ADAMTS20: variants seen among roughly 807,000 people sequenced by gnomAD.
ADAMTS20 encodes A disintegrin and metalloproteinase with thrombospondin motifs 20.
ADAMTS20 carries 225 observed loss-of-function variants against 260.1 expected under a neutral mutation model. The observed-to-expected ratio is 0.87, with a 90% CI of 0.78 to 0.97. The LOEUF (loss-of-function observed/expected upper bound fraction) is 0.97. Among genes scored for constraint, ADAMTS20 ranks in the 50% least tolerant of loss-of-function variants. ADAMTS20 has a pLI of 0.00. For synonymous variants in ADAMTS20, 802 were observed against 769.5 expected, an observed-to-expected ratio of 1.04 and a Z score of -0.70; for missense variants, 2,400 against 2,337.7, an observed-to-expected ratio of 1.03 and a Z score of -0.55.
At chr12:43,436,810 C>T (rs1592068241) in intron 18 of ADAMTS20, among the ~76,000 whole-genome samples, 1 of 152,280 alleles carries the variant, frequency 6.6e-6, no homozygotes, top group East Asian at 1.9e-4. Flanking sequence ...CTTCTGTTAT[C>T]CCGCAGCACC....
intron 7 of ADAMTS20, among the ~76,000 whole-genome samples, chr12:43,481,365 G>A (rs1261171425): frequency 6.6e-6 from 1 of 152,052 alleles, no homozygotes; most frequent in Non-Finnish European, 1.5e-5. Flanking sequence ...AGAAAACAAG[G>A]ATAATAAATT....
chr12:43,380,650 A>G (rs1212811391), intron 31 of ADAMTS20, among the ~76,000 whole-genome samples: 1 of 152,188 alleles, frequency 6.6e-6, no homozygotes, highest in East Asian at 1.9e-4. Context: ...CTAATAGAAC[A>G]ATTCCATTTA....
intron 14 of ADAMTS20, among the ~76,000 whole-genome samples, chr12:43,448,840 AC>A (rs778997317): frequency 6.6e-6 from 1 of 152,178 alleles, no homozygotes; most frequent in Non-Finnish European, 1.5e-5. Flanking sequence ...ATGAACAAAC[AC>A]CTTTTAAGAG....
chr12:43,513,759 T>C (rs1198310474), intron 3 of ADAMTS20, among the ~76,000 whole-genome samples: 1 of 151,866 alleles, frequency 6.6e-6, no homozygotes, highest in Non-Finnish European at 1.5e-5. Flanking sequence ...GTGTCCTTTG[T>C]AGGAACATGA....
In ADAMTS20 at chr12:43,528,477, G is replaced by A. The variant is rs142608231; in HGVS notation, c.613+3559C>T. On this transcript the variant is annotated intron_variant, in intron 3 of 38. Transcript: ENST00000389420. The stretch of plus-strand genomic sequence containing the variant: ...CATAAAAGTAGGCACATAGACCAAT[G>A]GAACAGAATAGAGAACCTACAAATA... Among the ~76,000 whole-genome samples the A allele has an allele frequency of 4.6e-3, 695 of 151,158 alleles. 6 individuals are homozygous for A. The highest frequency in any genetic ancestry group is 0.016 in the African/African-American group (657 of 41,192).
In ADAMTS20 at chr12:43,443,901, A is replaced by C; in HGVS notation, c.2198-18T>G. On this transcript the variant is annotated intron_variant, in intron 15 of 38. Transcript: ENST00000389420. ...ATTATAACCTGCAATATAATTTTAC[A>C]TATGTTAAATTTCACAAAAAGCAGA... The C allele has an allele frequency of 1.2e-6, 2 of 1,605,110 alleles. No individual in the cohort carries two copies. The highest frequency in any genetic ancestry group is 1.7e-6 in the Non-Finnish European group (2 of 1,172,440).
rs372006488 is a variant in ADAMTS20, at chr12:43,428,722, T to A, written c.3567A>T (p.Glu1189Asp). The A allele has an allele frequency of 5.0e-6, 8 of 1,612,660 alleles. No individual in the cohort carries two copies. The highest frequency in any genetic ancestry group is 6.8e-6 in the Non-Finnish European group (8 of 1,179,130). Residue 1189 changes from glutamate to aspartate, a missense_variant, in exon 25 of 39, where the codon GAA becomes GAT. Coordinates refer to ENST00000389420, the MANE Select transcript of ADAMTS20 (RefSeq NM_025003.5). The stretch of plus-strand genomic sequence containing the variant: ...GTCGGGGTAAGTGGGCACAATATGA[T>A]TCATCTGCTATTCTATCAAGAGCAT... ...CRDALDRIADESYCAHLPRPA... is the reference protein window; with the variant it reads ...CRDALDRIADDSYCAHLPRPA...
At chr12:43,434,394 T>C in intron 18 of ADAMTS20, 23 bp from the exon 19 acceptor site, 2 of 1,546,924 alleles carry the variant, frequency 1.3e-6, no homozygotes, top group Non-Finnish European at 1.7e-6. Context: ...CAAATGAAAA[T>C]AAAAAATGAA....
intron 11 of ADAMTS20, among the ~76,000 whole-genome samples, chr12:43,460,095 T>A (rs1439508674): frequency 6.6e-6 from 1 of 152,226 alleles, no homozygotes; most frequent in Non-Finnish European, 1.5e-5. Flanking sequence ...AAAGGTTTAT[T>A]TAATACTGAA....
chr12:43,424,029 G>A, intron 28 of ADAMTS20: 1 of 616,194 alleles, frequency 1.6e-6, no homozygotes, highest in South Asian at 2.0e-5. Flanking sequence ...CAAATAACAT[G>A]ACTTGAAACT....
chr12:43,415,551 T>C (rs1941114683), intron 28 of ADAMTS20, among the ~76,000 whole-genome samples: 1 of 152,236 alleles, frequency 6.6e-6, no homozygotes. Context: ...TGAGCCTTTA[T>C]GTCACAGGCC....
chr12:43,548,857 A>G (rs1017612159), intron 2 of ADAMTS20, among the ~76,000 whole-genome samples: 1 of 152,132 alleles, frequency 6.6e-6, no homozygotes, highest in Non-Finnish European at 1.5e-5. Context: ...TTATGGAGGT[A>G]TGAAAAGAAA....
chr12:43,375,399 A>G lies in ADAMTS20; in HGVS notation c.5426T>C (p.Leu1809Pro). The G allele has an allele frequency of 6.2e-7, 1 of 1,613,180 alleles. No individual in the cohort carries two copies. The stretch of plus-strand genomic sequence containing the variant: ...CTTACTTTTAATTTGCATGGAAGTG[A>G]GATCAATTCTTATTTTGCTGAAAAC... Reference protein sequence around the residue: ...YTVFSKIRIDLTSMQIKTTDL... With the variant: ...YTVFSKIRIDPTSMQIKTTDL... The change falls in exon 36 of 39, where the codon CTC becomes CCC. Residue 1809 changes from leucine to proline, a missense_variant. Leu to Pro is a moderately conservative substitution (Grantham distance 98). Coordinates refer to ENST00000389420, the MANE Select transcript of ADAMTS20 (RefSeq NM_025003.5).
At chr12:43,476,254 T>C (rs1942351977) in intron 7 of ADAMTS20, among the ~76,000 whole-genome samples, 1 of 69,864 alleles carries the variant, frequency 1.4e-5, no homozygotes, top group Non-Finnish European at 2.7e-5. Flanking sequence ...ATGCTCATCA[T>C]CACTGGTCAT....
Position 43,427,298 on chromosome 12 carries a change from T to C in ADAMTS20, c.4107+10A>G, listed in dbSNP as rs1941350930. ...ATAATCTCACAAGTTTAGAAAATAT[T>C]ATGACTTACTTCTCCCCAATTTCCG... On this transcript the variant is annotated intron_variant, in intron 27 of 38. Coordinates refer to ENST00000389420, the MANE Select transcript of ADAMTS20 (RefSeq NM_025003.5). 1 of 1,611,582 alleles carries C rather than the reference T, an allele frequency of 6.2e-7. No homozygotes were observed. Among genetic ancestry groups the C allele is most frequent in the Non-Finnish European group, 8.5e-7 (1 of 1,178,972 alleles).
intron 3 of ADAMTS20, among the ~76,000 whole-genome samples, chr12:43,521,867 G>A (rs1230166432): frequency 3.3e-5 from 5 of 152,024 alleles, no homozygotes; most frequent in Admixed American, 3.3e-4. Context: ...CACACATCAG[G>A]ACTTAGAAGA....
At chr12:43,453,817 G>T in intron 12 of ADAMTS20, 90 bp downstream of exon 12, 1 of 1,428,712 alleles carries the variant, frequency 7.0e-7, no homozygotes, top group Admixed American at 2.4e-5. Flanking sequence ...CTTACGGACT[G>T]ACCTCCAGTT....
In ADAMTS20 at chr12:43,452,254, GA is replaced by G; in HGVS notation, c.2079+19del. ...TCTTAAAGTCACTTTAAATCTAATA[GA>G]AACTTATAGTTTACTTACCATACAC... On this transcript the variant is annotated intron_variant, in intron 14 of 38. Transcript: ENST00000389420. 3 of 1,573,030 alleles carry G rather than the reference GA, an allele frequency of 1.9e-6. No homozygotes were observed. The highest frequency in any genetic ancestry group is 2.6e-6 in the Non-Finnish European group (3 of 1,166,896).
At position 43,453,439 on chromosome 12, in the gene ADAMTS20, A is replaced by G. The variant is rs556222729; in HGVS notation, c.1760+468T>C. On this transcript the variant is annotated intron_variant, in intron 12 of 38. Coordinates refer to ENST00000389420, the MANE Select transcript of ADAMTS20 (RefSeq NM_025003.5). ...GATATGCTTTAGTACTTATTCAGCTAAAGACAATGATGCGTCTATAACACA... is the reference window on the plus strand; with the variant it reads ...GATATGCTTTAGTACTTATTCAGCTGAAGACAATGATGCGTCTATAACACA... 5.1e-4 allele frequency among the ~76,000 whole-genome samples: 78 copies of G among 152,280 alleles called. 2 individuals carry two copies. The highest frequency in any genetic ancestry group is 1.7e-3 in the African/African-American group (71 of 41,566).
Sources: gnomAD v4.1 joint callset for allele counts (sites outside exome capture counted in the v4.1 genomes callset) on GRCh38, gnomAD v4.1.1 for gene constraint, MANE v1.5 for transcripts, NCBI Gene and HGNC (gene_info 2026-07-23, HGNC 2026-07-21) for gene names.